The following IGSF21 variants were observed in gnomAD, a reference collection of about 807,000 sequenced individuals.
The protein encoded by IGSF21 is immunoglobin superfamily member 21, also known as immunoglobulin superfamily member 21.
IGSF21 carries 28 observed loss-of-function variants against 46.8 expected under a neutral mutation model. The ratio of observed to expected loss-of-function variants is 0.60; its 90% confidence interval spans 0.44 to 0.82. The LOEUF is 0.82. Among genes scored for constraint, IGSF21 ranks in the 40% least tolerant of loss-of-function variants. The pLI is 0.00. For synonymous variants in IGSF21, 284 were observed against 273.6 expected (o/e 1.04, Z -0.38); for missense variants, 624 against 665.5 (o/e 0.94, Z 0.69).
intron 3 of IGSF21, among the ~76,000 whole-genome samples, chr1:18,294,024 C>G (rs1190705619): frequency 6.6e-6 from 1 of 152,236 alleles, no homozygotes; most frequent in South Asian, 2.1e-4. Flanking sequence ...ACCTCTCTCT[C>G]TCTCTGCTTC....
chr1:18,340,091 G>A (rs1164730732), intron 4 of IGSF21, among the ~76,000 whole-genome samples: 2 of 152,140 alleles, frequency 1.3e-5, no homozygotes, highest in African/African-American at 2.4e-5. Flanking sequence ...GGATGCCCAC[G>A]TACATGGACA....
At chr1:18,256,817 G>A (rs111747510) in intron 2 of IGSF21, among the ~76,000 whole-genome samples, 4,820 of 152,258 alleles carry the variant, frequency 0.032, 109 homozygotes, top group Non-Finnish European at 0.049. Flanking sequence ...CCATCCGCTA[G>A]CCTAATCCCC....
chr1:18,150,411 G>T (rs908013938), intron 1 of IGSF21, among the ~76,000 whole-genome samples: 3 of 152,140 alleles, frequency 2.0e-5, no homozygotes, highest in East Asian at 3.9e-4. Flanking sequence ...GGCATGGCGG[G>T]GGGGGTCTCA....
intron 1 of IGSF21, among the ~76,000 whole-genome samples, chr1:18,211,262 G>T (rs886764386): frequency 1.4e-4 from 22 of 152,194 alleles, no homozygotes; most frequent in Admixed American, 6.5e-5. Flanking sequence ...AAGCTGCCCA[G>T]CTTGAAGAGT....
intron 1 of IGSF21, among the ~76,000 whole-genome samples, chr1:18,208,349 T>G (rs1410471019): frequency 7.8e-6 from 1 of 128,072 alleles, no homozygotes; most frequent in African/African-American, 2.8e-5. Flanking sequence ...TTTCGGGTTT[T>G]GGGCAGTTCT....
chr1:18,235,756 G>T (rs565879429), intron 2 of IGSF21, among the ~76,000 whole-genome samples: 1 of 152,206 alleles, frequency 6.6e-6, no homozygotes, highest in Non-Finnish European at 1.5e-5. Context: ...AAGCAGAGAA[G>T]TAACAGGGTC....
intron 1 of IGSF21, among the ~76,000 whole-genome samples, chr1:18,168,425 T>C (rs2086700831): frequency 6.6e-6 from 1 of 152,184 alleles, no homozygotes; most frequent in Non-Finnish European, 1.5e-5. Flanking sequence ...CTCAGCTCCA[T>C]GCCTGAGTTT....
chr1:18,147,796 A>G (rs1341333099), intron 1 of IGSF21, among the ~76,000 whole-genome samples: 1 of 152,034 alleles, frequency 6.6e-6, no homozygotes, highest in Non-Finnish European at 1.5e-5. Context: ...AGGACACTTG[A>G]TATGGTTTGG....
At chr1:18,338,925 C>T (rs1222273517) in intron 4 of IGSF21, among the ~76,000 whole-genome samples, 3 of 152,100 alleles carry the variant, frequency 2.0e-5, no homozygotes, top group African/African-American at 7.2e-5. Flanking sequence ...TAAGGGTGCG[C>T]TGTTACAATC....
chr1:18,318,056 G>T (rs774627552), intron 3 of IGSF21, among the ~76,000 whole-genome samples: 2 of 152,206 alleles, frequency 1.3e-5, no homozygotes, highest in African/African-American at 4.8e-5. Flanking sequence ...GCATGGGAAA[G>T]GTTCCCTGCA....
At chr1:18,266,946 ATGAAAG>A (rs1557614912) in intron 2 of IGSF21, among the ~76,000 whole-genome samples, 1 of 152,162 alleles carries the variant, frequency 6.6e-6, no homozygotes, top group African/African-American at 2.4e-5. Context: ...AATGGGGTCA[ATGAAAG>A]CTCTCTGCTT....
intron 2 of IGSF21, among the ~76,000 whole-genome samples, chr1:18,256,459 G>A (rs1419833519): frequency 6.6e-6 from 1 of 152,138 alleles, no homozygotes; most frequent in African/African-American, 2.4e-5. Flanking sequence ...TTGTTTTCAG[G>A]TCACCCAGGG....
intron 1 of IGSF21, among the ~76,000 whole-genome samples, chr1:18,144,153 G>C (rs548734905): frequency 4.6e-5 from 7 of 152,290 alleles, no homozygotes; most frequent in African/African-American, 1.2e-4. Context: ...TCCTCTCGGG[G>C]AGGAGGCATG....
intron 2 of IGSF21, among the ~76,000 whole-genome samples, chr1:18,285,817 T>C (rs903989097): frequency 2.0e-5 from 3 of 152,222 alleles, no homozygotes; most frequent in African/African-American, 7.2e-5. Context: ...GAGCACTTTC[T>C]GTTACGATGA....
rs2085255930 is a variant in IGSF21 at position 18,290,590 on chromosome 1, C to T, written c.184-1276C>T. 6.6e-6 allele frequency among the ~76,000 whole-genome samples: 1 copy of T among 152,184 alleles called. No homozygotes were observed. ...CAGCTGGTTGCTCAACCAGTGCTGGCCAGATGCACGGAGTCTCTCCTAAAC... is the reference window on the plus strand; with the variant it reads ...CAGCTGGTTGCTCAACCAGTGCTGGTCAGATGCACGGAGTCTCTCCTAAAC... On this transcript the variant is annotated intron_variant, in intron 2 of 9. Coordinates refer to ENST00000251296, the MANE Select transcript of IGSF21 (RefSeq NM_032880.5). This position sits in a 1 kb window ranked among gnomAD's most constrained non-coding sequence, Gnocchi z 4.2.
chr1:18,176,506 G>C (rs1015385957), intron 1 of IGSF21, among the ~76,000 whole-genome samples: 2 of 152,176 alleles, frequency 1.3e-5, no homozygotes, highest in African/African-American at 4.8e-5. Flanking sequence ...AACTGTTGTC[G>C]AGATTAAAGG....
At chr1:18,282,635 TACAC>T (rs10522294) in intron 2 of IGSF21, among the ~76,000 whole-genome samples, 5,316 of 137,586 alleles carry the variant, frequency 0.039, 277 homozygotes, top group African/African-American at 0.12. Flanking sequence ...TCCCCTTACA[TACAC>T]ACACACACAC....
At chr1:18,266,820 A>G (rs557601853) in intron 2 of IGSF21, among the ~76,000 whole-genome samples, 1 of 152,234 alleles carries the variant, frequency 6.6e-6, no homozygotes, top group Non-Finnish European at 1.5e-5. Flanking sequence ...AGGGGCCTTC[A>G]CAGCCACAGT....
At chr1:18,369,934 A>G (rs1319459349) in intron 6 of IGSF21, among the ~76,000 whole-genome samples, 1 of 152,108 alleles carries the variant, frequency 6.6e-6, no homozygotes, top group East Asian at 1.9e-4. Context: ...ATCTCACTAA[A>G]TGGCAACCAT....
Sources: gnomAD v4.1 joint callset for allele counts (sites outside exome capture counted in the v4.1 genomes callset) on GRCh38, gnomAD v4.1.1 for gene constraint, Gnocchi (gnomAD v3.1) non-coding constraint, MANE v1.5 for transcripts, NCBI Gene and HGNC (gene_info 2026-07-23, HGNC 2026-07-21) for gene names.